The following ENOX1 variants were observed in gnomAD, a reference collection of about 807,000 sequenced individuals.
ENOX1 encodes the protein candidate growth-related and time keeping constitutive hydroquinone (NADH) oxidase.
ENOX1 carries 42 observed loss-of-function variants against 82.5 expected under a neutral mutation model. The ratio of observed to expected loss-of-function variants is 0.51; its 90% CI spans 0.40 to 0.66. The LOEUF (loss-of-function observed/expected upper bound fraction) is 0.66. Among genes scored for constraint, ENOX1 ranks in the 30% least tolerant of loss-of-function variants. ENOX1 has a pLI of 0.00. For synonymous variants in ENOX1, 271 were observed against 282.2 expected, an observed-to-expected ratio of 0.96 and a Z score of 0.40; for missense variants, 608 against 811.6, an observed-to-expected ratio of 0.75 and a Z score of 3.05.
chr13:43,388,367 C>T (rs770667094), intron 5 of ENOX1, among the ~76,000 whole-genome samples: 8 of 152,158 alleles, frequency 5.3e-5, no homozygotes, highest in Admixed American at 3.3e-4. Flanking sequence ...TTTGCCTGTT[C>T]AGAGTTCTAA....
chr13:43,596,155 C>A (rs2081461722), intron 2 of ENOX1, among the ~76,000 whole-genome samples: 1 of 152,172 alleles, frequency 6.6e-6, no homozygotes, highest in Admixed American at 6.5e-5. Flanking sequence ...TGACATTATA[C>A]ATTCACATCT....
intron 5 of ENOX1, among the ~76,000 whole-genome samples, chr13:43,363,577 G>C (rs1055805255): frequency 6.6e-6 from 1 of 152,198 alleles, no homozygotes; most frequent in Non-Finnish European, 1.5e-5. Flanking sequence ...ATATTGGCAT[G>C]CTTGTGCTTT....
chr13:43,461,622 G>C (rs1272784666), intron 3 of ENOX1, among the ~76,000 whole-genome samples: 1 of 152,184 alleles, frequency 6.6e-6, no homozygotes, highest in African/African-American at 2.4e-5. Flanking sequence ...GCCTGGGATG[G>C]TTAGGAAATC....
intron 5 of ENOX1, among the ~76,000 whole-genome samples, chr13:43,392,849 G>A (rs9567171): frequency 0.081 from 12,220 of 151,782 alleles, 608 homozygotes; most frequent in East Asian, 0.16. Flanking sequence ...TTATGAATTT[G>A]TTTTTTTCAT....
At chr13:43,574,736 A>T (rs2080339670) in intron 2 of ENOX1, among the ~76,000 whole-genome samples, 1 of 152,214 alleles carries the variant, frequency 6.6e-6, no homozygotes, top group South Asian at 2.1e-4. Context: ...CTGAATTATC[A>T]GGAAAGAGAA....
At chr13:43,739,641 G>A (rs1184649254) in intron 1 of ENOX1, among the ~76,000 whole-genome samples, 2 of 151,728 alleles carry the variant, frequency 1.3e-5, no homozygotes, top group South Asian at 4.2e-4. Flanking sequence ...AAGACCAAGA[G>A]AGAAAAATAA....
intron 12 of ENOX1, among the ~76,000 whole-genome samples, chr13:43,286,355 G>C (rs1421780521): frequency 6.6e-6 from 1 of 152,168 alleles, no homozygotes; most frequent in Non-Finnish European, 1.5e-5. Flanking sequence ...CTGTAAGTCA[G>C]GAGGCAGTTT....
At chr13:43,519,396 C>G (rs1212238634) in intron 2 of ENOX1, among the ~76,000 whole-genome samples, 2 of 152,166 alleles carry the variant, frequency 1.3e-5, no homozygotes, top group Non-Finnish European at 2.9e-5. Context: ...GAAACAAATT[C>G]TTTAGCCTAA....
intron 5 of ENOX1, among the ~76,000 whole-genome samples, chr13:43,409,763 TAATAG>T (rs2054011276): frequency 1.3e-5 from 2 of 152,120 alleles, no homozygotes; most frequent in African/African-American, 4.8e-5. Flanking sequence ...TAAAAATGCA[TAATAG>T]AAAATGTTAT....
intron 2 of ENOX1, among the ~76,000 whole-genome samples, chr13:43,557,732 A>C (rs1221452658): frequency 6.6e-6 from 1 of 152,118 alleles, no homozygotes; most frequent in Non-Finnish European, 1.5e-5. Context: ...CAGGCATTCG[A>C]GGTTGCAGTG....
At chr13:43,629,171 TGAAA>T (rs1332372017) in intron 2 of ENOX1, among the ~76,000 whole-genome samples, 4 of 152,138 alleles carry the variant, frequency 2.6e-5, no homozygotes, top group Admixed American at 2.6e-4. Context: ...CTCTGGAAAG[TGAAA>T]GAAAGTCTAG....
rs199784062 is a variant in ENOX1, at chr13:43,323,755, TTAC to T, written c.1144-1257_1144-1255del. Among the ~76,000 whole-genome samples, 1,493 of 152,296 alleles carry T rather than the reference TTAC, an allele frequency of 9.8e-3. 22 individuals carry two copies. Among genetic ancestry groups the T allele is most frequent in the African/African-American group, 0.034 (1,432 of 41,556 alleles). On this transcript the variant is annotated intron_variant, in intron 10 of 16. Transcript: ENST00000690772. ...ACATATGAGTAATAATAAAACTAAA[TTAC>T]TACAACTGATTTATTAGGGGCATGA...
At chr13:43,280,210 T>TGCC (rs906508187) in intron 12 of ENOX1, among the ~76,000 whole-genome samples, 5 of 152,350 alleles carry the variant, frequency 3.3e-5, no homozygotes, top group African/African-American at 1.2e-4. Context: ...TCTTGCACTA[T>TGCC]GCCCTGAAGG....
At position 43,453,711 on chromosome 13, in the gene ENOX1, T is replaced by A. The variant is rs935157550; in HGVS notation, c.-75+30298A>T. On this transcript the variant is annotated intron_variant, in intron 3 of 16. Transcript: ENST00000690772. Reference sequence around the variant, plus strand: ...GCTAATATGTAAACAGGTAGGGAAGTGTTCAAGGGATGGAGGTGCTGCAAG... The same window carrying A: ...GCTAATATGTAAACAGGTAGGGAAGAGTTCAAGGGATGGAGGTGCTGCAAG... Among the ~76,000 whole-genome samples the A allele has an allele frequency of 7.2e-5, 11 of 152,238 alleles. No homozygotes were observed. The East Asian group carries it at 2.1e-3, about 29-fold the overall frequency.
At chr13:43,263,973 G>C (rs1313699175) in intron 14 of ENOX1, among the ~76,000 whole-genome samples, 1 of 152,186 alleles carries the variant, frequency 6.6e-6, no homozygotes, top group East Asian at 1.9e-4. Context: ...TTGCCTATGG[G>C]GAGCTCTGTA....
intron 7 of ENOX1, among the ~76,000 whole-genome samples, chr13:43,358,022 C>T (rs2050259245): frequency 1.3e-5 from 2 of 152,182 alleles, no homozygotes; most frequent in South Asian, 2.1e-4. Context: ...GCCTAGCTGT[C>T]TTCTCCTCCT....
intron 1 of ENOX1, among the ~76,000 whole-genome samples, chr13:43,693,989 C>T (rs2153805385): frequency 6.6e-6 from 1 of 152,166 alleles, no homozygotes; most frequent in East Asian, 1.9e-4. Context: ...TTCCTGAGAA[C>T]AAAAGAAGTA....
At chr13:43,375,267 T>A (rs1443637971) in intron 5 of ENOX1, among the ~76,000 whole-genome samples, 1 of 147,774 alleles carries the variant, frequency 6.8e-6, no homozygotes, top group Non-Finnish European at 1.5e-5. Flanking sequence ...GGGCGGGGGG[T>A]GAGTGAGAGA....
At chr13:43,242,289 T>A (rs779057756) in intron 14 of ENOX1, among the ~76,000 whole-genome samples, 4 of 152,262 alleles carry the variant, frequency 2.6e-5, no homozygotes, top group Non-Finnish European at 5.9e-5. Context: ...CTTAATTTCC[T>A]GTTTAGTCTT....
Sources: gnomAD v4.1 joint callset for allele counts (sites outside exome capture counted in the v4.1 genomes callset) on GRCh38, gnomAD v4.1.1 for gene constraint, MANE v1.5 for transcripts, NCBI Gene and HGNC (gene_info 2026-07-23, HGNC 2026-07-21) for gene names.